CPA6: variants seen among roughly 807,000 people sequenced by gnomAD.
CPA6 encodes carboxypeptidase A6.
In CPA6, 58 loss-of-function variants were observed where a neutral mutation model predicts 63.3. The observed-to-expected ratio is 0.92, with a 90% confidence interval of 0.74 to 1.14. CPA6 has a LOEUF of 1.14. Among genes scored for constraint, CPA6 ranks in the 50% most tolerant of loss-of-function variants. The probability of loss-of-function intolerance (pLI) is 0.00; values close to 1 mark genes in which losing one functional copy is unlikely to be tolerated. For synonymous variants in CPA6, 185 were observed against 179.0 expected (o/e 1.03, Z -0.27); for missense variants, 565 against 526.6 (o/e 1.07, Z -0.71).
intron 1 of CPA6, among the ~76,000 whole-genome samples, chr8:67,640,388 G>T (rs1431993557): frequency 6.6e-6 from 1 of 151,562 alleles, no homozygotes; most frequent in Non-Finnish European, 1.5e-5. Flanking sequence ...GGGTCGAGGT[G>T]GCAGGGAGCT....
chr8:67,501,285 G>A (rs1811825821), intron 6 of CPA6, among the ~76,000 whole-genome samples: 1 of 152,044 alleles, frequency 6.6e-6, no homozygotes. Context: ...TGTTTTGCTG[G>A]ATTTACACCT....
intron 2 of CPA6, among the ~76,000 whole-genome samples, chr8:67,602,220 T>C (rs1814514267): frequency 6.6e-6 from 1 of 152,202 alleles, no homozygotes; most frequent in African/African-American, 2.4e-5. Flanking sequence ...ATTATGTATA[T>C]ACCTACAAAT....
chr8:67,709,743 T>C (rs192093492), intron 1 of CPA6, among the ~76,000 whole-genome samples: 402 of 152,262 alleles, frequency 2.6e-3, no homozygotes, highest in African/African-American at 9.3e-3. Flanking sequence ...GTGGAAGATA[T>C]ACATTGGTTC....
intron 1 of CPA6, among the ~76,000 whole-genome samples, chr8:67,683,770 T>G (rs922187027): frequency 6.6e-6 from 1 of 151,996 alleles, no homozygotes; most frequent in Non-Finnish European, 1.5e-5. Context: ...CTTCTATATG[T>G]TTTTGCTCTT....
chr8:67,458,578 C>T (rs1433777184), intron 8 of CPA6, among the ~76,000 whole-genome samples: 3 of 152,190 alleles, frequency 2.0e-5, no homozygotes, highest in African/African-American at 4.8e-5. Context: ...AAATTAAAAA[C>T]TTCTGTTCTG....
intron 8 of CPA6, among the ~76,000 whole-genome samples, chr8:67,477,789 G>C (rs1811275243): frequency 6.6e-6 from 1 of 152,170 alleles, no homozygotes; most frequent in Non-Finnish European, 1.5e-5. Flanking sequence ...GTGCATTCTT[G>C]CTGTGAGTTC....
intron 1 of CPA6, among the ~76,000 whole-genome samples, chr8:67,711,977 C>A (rs1235278906): frequency 6.6e-6 from 1 of 152,164 alleles, no homozygotes. Context: ...GGACGGATCC[C>A]AGATCCACAT....
At chr8:67,535,168 C>T (rs545423793) in intron 2 of CPA6, among the ~76,000 whole-genome samples, 7 of 152,176 alleles carry the variant, frequency 4.6e-5, no homozygotes, top group South Asian at 2.1e-4. Flanking sequence ...AATAAACATA[C>T]GTGTGCATGT....
rs1014766923 is a variant in CPA6 at position 67,746,320 on chromosome 8, A to G, written c.-191T>C. On this transcript the variant is annotated 5_prime_UTR_variant, in exon 1 of 11. Coordinates refer to ENST00000297770, the MANE Select transcript of CPA6 (RefSeq NM_020361.5). The stretch of plus-strand genomic sequence containing the variant: ...AAAGTTCAGGCAGCTGAGGAAGGGA[A>G]GTTGCTATTACGACTTGGTCTTGGG... The G allele has an allele frequency of 3.0e-5, 14 of 464,108 alleles. No homozygotes were observed. Among genetic ancestry groups the G allele is most frequent in the Non-Finnish European group, 5.5e-5 (14 of 255,332 alleles). The allele number at this position is 464,108 out of a possible 1,614,324, so 28.7% of individuals were successfully genotyped here. A position where few individuals can be genotyped will look rare whatever the true frequency, so the allele number is the denominator to read the frequency against.
intron 2 of CPA6, among the ~76,000 whole-genome samples, chr8:67,565,816 C>G (rs780024326): frequency 6.6e-6 from 1 of 152,134 alleles, no homozygotes; most frequent in Non-Finnish European, 1.5e-5. Context: ...AAGATGAGAT[C>G]TCTCTGAGAT....
chr8:67,496,555 A>ATATATATATTTATT (rs1199617624), intron 6 of CPA6, among the ~76,000 whole-genome samples: 1 of 101,016 alleles, frequency 9.9e-6, no homozygotes, highest in African/African-American at 3.3e-5. Context: ...ATATATATAT[A>ATATATATATTTATT]TATTTATTTT....
intron 1 of CPA6, among the ~76,000 whole-genome samples, chr8:67,705,652 C>G (rs1399482585): frequency 6.6e-6 from 1 of 152,186 alleles, no homozygotes; most frequent in Non-Finnish European, 1.5e-5. Context: ...TCATCTTTCC[C>G]TTTAATAGCC....
intron 10 of CPA6, among the ~76,000 whole-genome samples, chr8:67,427,323 A>T (rs1423253668): frequency 1.3e-5 from 2 of 152,034 alleles, no homozygotes; most frequent in African/African-American, 4.8e-5. Context: ...TTTATTCTCA[A>T]ATTTATCGTT....
At chr8:67,498,406 C>T (rs1451484065) in intron 6 of CPA6, among the ~76,000 whole-genome samples, 7 of 151,420 alleles carry the variant, frequency 4.6e-5, no homozygotes, top group Non-Finnish European at 1.0e-4. Context: ...TGTGGTGGTG[C>T]GCACCTGTAA....
At chr8:67,602,177 A>G (rs1266014972) in intron 2 of CPA6, among the ~76,000 whole-genome samples, 1 of 152,174 alleles carries the variant, frequency 6.6e-6, no homozygotes, top group Non-Finnish European at 1.5e-5. Context: ...ATTAATATAT[A>G]GGGATATATA....
intron 8 of CPA6, among the ~76,000 whole-genome samples, chr8:67,461,635 C>T (rs1204653486): frequency 1.3e-5 from 2 of 152,188 alleles, no homozygotes; most frequent in Non-Finnish European, 2.9e-5. Flanking sequence ...CCAGTAGGGG[C>T]GGCCGGGCAG....
chr8:67,630,080 G>A (rs1005698201), intron 1 of CPA6, among the ~76,000 whole-genome samples: 11 of 150,010 alleles, frequency 7.3e-5, no homozygotes, highest in Non-Finnish European at 1.2e-4. Flanking sequence ...ACTCCAGTCC[G>A]GGCGACAGAG....
chr8:67,427,402 C>G (rs1005334796), intron 10 of CPA6, among the ~76,000 whole-genome samples: 2 of 152,122 alleles, frequency 1.3e-5, no homozygotes, highest in Admixed American at 1.3e-4. Context: ...TTATGAAGAT[C>G]CTGTACACAT....
Position 67,486,242 on chromosome 8 carries a change from C to G in CPA6, c.637-1453G>C, listed in dbSNP as rs868417777. ...TAATATGTTGGTTGGATTCAGGTTG[C>G]TAACGCAGTCATACACTATATAACT... On this transcript the variant is annotated intron_variant, in intron 6 of 10. Coordinates refer to ENST00000297770, the MANE Select transcript of CPA6 (RefSeq NM_020361.5). Among the ~76,000 whole-genome samples the G allele has an allele frequency of 5.3e-5, 8 of 152,342 alleles. No homozygotes were observed. The Middle Eastern group carries it at 0.01, about 194-fold the overall frequency.
Sources: allele counts gnomAD v4.1 joint callset (sites outside exome capture counted in the v4.1 genomes callset), GRCh38; gene constraint gnomAD v4.1.1; transcripts MANE v1.5; gene names NCBI Gene and HGNC (gene_info 2026-07-23, HGNC 2026-07-21).